Variants in XIRP2 observed in about 807,000 individuals in gnomAD.
XIRP2 encodes xin actin binding repeat containing 2, also known as xin actin-binding repeat-containing protein 2.
XIRP2 carries 236 observed loss-of-function variants against 277.0 expected under a neutral mutation model. That is an observed-to-expected ratio of 0.85 (90% CI 0.77 to 0.95). XIRP2 has a LOEUF of 0.95. Among genes scored for constraint, XIRP2 ranks in the 40% least tolerant of loss-of-function variants. The pLI, the probability that XIRP2 is intolerant of heterozygous loss-of-function variation, is 0.00. For missense variants in XIRP2, 4,640 were observed against 4,157.5 expected, an observed-to-expected ratio of 1.12 and a Z score of -3.19; for synonymous variants, 1,490 against 1,416.5, an observed-to-expected ratio of 1.05 and a Z score of -1.17.
At chr2:167,069,230 G>A (rs914018204) in intron 2 of XIRP2, among the ~76,000 whole-genome samples, 1 of 152,124 alleles carries the variant, frequency 6.6e-6, no homozygotes, top group Non-Finnish European at 1.5e-5. Flanking sequence ...AAATTTTCAA[G>A]TTTTGCTTTT....
chr2:167,014,222 G>A (rs1687761295), intron 2 of XIRP2, among the ~76,000 whole-genome samples: 1 of 150,846 alleles, frequency 6.6e-6, no homozygotes, highest in Non-Finnish European at 1.5e-5. Flanking sequence ...AAATTAAAAG[G>A]GACAGTCAAA....
intron 5 of XIRP2, among the ~76,000 whole-genome samples, chr2:167,223,096 A>T (rs944978472): frequency 1.3e-5 from 2 of 152,100 alleles, no homozygotes; most frequent in African/African-American, 4.8e-5. Context: ...TTTGACTTTC[A>T]TCTTCTTAAG....
rs192027686 is a variant in XIRP2, at chr2:167,258,163, G to A, written c.*346G>A. On this transcript the variant is annotated 3_prime_UTR_variant, in exon 11 of 11. Coordinates refer to ENST00000409195, the MANE Select transcript of XIRP2 (RefSeq NM_152381.6). ...AAAGGGGAAAATTAAAAGTCATTTG[G>A]CCTCCTTCCAAGGAGATCCCTAAGA... The A allele has an allele frequency of 1.2e-6, 2 of 1,612,994 alleles. No individual in the cohort carries two copies. The highest frequency in any genetic ancestry group is 2.2e-5 in the East Asian group (1 of 44,808).
At chr2:167,153,242 A>C (rs1191399330) in intron 3 of XIRP2, among the ~76,000 whole-genome samples, 1 of 152,138 alleles carries the variant, frequency 6.6e-6, no homozygotes, top group African/African-American at 2.4e-5. Context: ...ATAGTTGAGC[A>C]CAAATTGTGG....
intron 2 of XIRP2, among the ~76,000 whole-genome samples, chr2:167,058,195 T>C (rs1471406560): frequency 1.3e-5 from 2 of 151,926 alleles, no homozygotes; most frequent in Non-Finnish European, 2.9e-5. Flanking sequence ...CCTGAGTAGC[T>C]GGGACTACAG....
chr2:167,137,367 G>C (rs1008718820), intron 3 of XIRP2, among the ~76,000 whole-genome samples: 1 of 152,160 alleles, frequency 6.6e-6, no homozygotes, highest in African/African-American at 2.4e-5. Context: ...TTTCTGGCCT[G>C]TGATTAAACT....
chr2:166,997,623 G>A (rs1411165619), intron 2 of XIRP2, among the ~76,000 whole-genome samples: 2 of 151,996 alleles, frequency 1.3e-5, no homozygotes, highest in African/African-American at 4.8e-5. Context: ...GTTGACTTGG[G>A]GGGCCTGGCA....
At position 167,240,705 on chromosome 2, in the gene XIRP2, A is replaced by G. The variant is rs188701859; in HGVS notation, c.1011A>G (p.Ala337=). ...LEKHTEEVNQ[A]SQFHQYVQET... The stretch of plus-strand genomic sequence containing the variant: ...AGCACACCGAGGAAGTAAACCAAGC[A>G]TCTCAGTTTCATCAATATGTTCAAG... The change falls in exon 7 of 11, where the codon GCA becomes GCG. Residue 337 remains alanine (A), a synonymous_variant. Coordinates refer to ENST00000409195, the MANE Select transcript of XIRP2 (RefSeq NM_152381.6). 1 of 1,613,812 alleles carries G rather than the reference A, an allele frequency of 6.2e-7. No homozygotes were observed. The highest frequency in any genetic ancestry group is 1.3e-5 in the African/African-American group (1 of 74,926).
chr2:167,050,561 C>T (rs547801310), intron 2 of XIRP2, among the ~76,000 whole-genome samples: 120 of 151,956 alleles, frequency 7.9e-4, no homozygotes, highest in African/African-American at 2.7e-3. Context: ...CCTGATGGCA[C>T]GGCAAGGGAT....
rs758150973 is a variant in XIRP2 at position 167,251,236 on chromosome 2, C to G, written c.9844C>G (p.His3282Asp). 3 of 1,613,582 alleles carry G rather than the reference C, an allele frequency of 1.9e-6. No homozygotes were observed. The East Asian group carries it at 6.7e-5, about 36-fold the overall frequency. Residue 3282 changes from histidine to aspartate, a missense_variant, in exon 9 of 11, where the codon CAC becomes GAC. Coordinates refer to ENST00000409195, the MANE Select transcript of XIRP2 (RefSeq NM_152381.6). ...VHKDGLNSTDHMVPDTESYDA... is the reference protein window; with the variant it reads ...VHKDGLNSTDDMVPDTESYDA... ...TAAAGATGGACTAAATTCCACTGAT[C>G]ACATGGTGCCCGACACTGAAAGTTA...
intron 2 of XIRP2, among the ~76,000 whole-genome samples, chr2:167,110,981 T>C (rs925275462): frequency 6.6e-6 from 1 of 152,244 alleles, no homozygotes; most frequent in Middle Eastern, 3.4e-3. Context: ...TTGGATGTTG[T>C]TGGTGTATAG....
intron 4 of XIRP2, among the ~76,000 whole-genome samples, chr2:167,217,407 T>A (rs990071802): frequency 1.6e-4 from 24 of 152,044 alleles, no homozygotes; most frequent in Non-Finnish European, 5.9e-5. Flanking sequence ...ATGCCTGGGG[T>A]GTGCTAATCC....
chr2:166,912,335 C>T (rs1180451156), intron 2 of XIRP2, among the ~76,000 whole-genome samples: 1 of 152,156 alleles, frequency 6.6e-6, no homozygotes, highest in African/African-American at 2.4e-5. Flanking sequence ...CTAAACTTCT[C>T]TTCTCGCTTC....
intron 2 of XIRP2, among the ~76,000 whole-genome samples, chr2:166,984,163 G>A (rs566989868): frequency 6.6e-6 from 1 of 152,140 alleles, no homozygotes; most frequent in Non-Finnish European, 1.5e-5. Flanking sequence ...TCCACTAGAA[G>A]ACTGCAAGAG....
intron 5 of XIRP2, among the ~76,000 whole-genome samples, chr2:167,223,134 C>T (rs7600424): frequency 0.15 from 22,908 of 151,958 alleles, 2,136 homozygotes; most frequent in African/African-American, 0.27. Flanking sequence ...TTCTTTCCTC[C>T]ATATTTATGC....
chr2:167,056,239 T>C (rs1047378693), intron 2 of XIRP2, among the ~76,000 whole-genome samples: 1 of 152,006 alleles, frequency 6.6e-6, no homozygotes, highest in Admixed American at 6.6e-5. Flanking sequence ...GGGGGGAAAA[T>C]AGGGCATTTT....
chr2:167,196,301 T>G (rs886920463), intron 3 of XIRP2, among the ~76,000 whole-genome samples: 1 of 152,048 alleles, frequency 6.6e-6, no homozygotes, highest in East Asian at 1.9e-4. Flanking sequence ...AGATGTGCAT[T>G]AGGTGTAATA....
In XIRP2 at chr2:167,010,793, G is replaced by T. The variant is rs985509216; in HGVS notation, c.408+106903G>T. On this transcript the variant is annotated intron_variant, in intron 2 of 10. Transcript: ENST00000409195. The stretch of plus-strand genomic sequence containing the variant: ...CTTCAAGAGGTCCTTCACGTCCCTT[G>T]TAAGTTGGATTCCTAGGTATTTTAT... Among the ~76,000 whole-genome samples the T allele has an allele frequency of 2.6e-5, 4 of 152,012 alleles. No homozygotes were observed. In the East Asian group the frequency reaches 5.8e-4, roughly 22 times the overall value.
At chr2:167,155,665 C>T (rs1361718402) in intron 3 of XIRP2, among the ~76,000 whole-genome samples, 1 of 151,918 alleles carries the variant, frequency 6.6e-6, no homozygotes, top group African/African-American at 2.4e-5. Context: ...AAACTGGAAG[C>T]ATTCCCTTTG....
Sources: gnomAD v4.1 joint callset for allele counts (sites outside exome capture counted in the v4.1 genomes callset) on GRCh38, gnomAD v4.1.1 for gene constraint, MANE v1.5 for transcripts, NCBI Gene and HGNC (gene_info 2026-07-23, HGNC 2026-07-21) for gene names.